The following RSPH3 variants were observed in gnomAD, a reference collection of about 807,000 sequenced individuals.
RSPH3 encodes radial spoke head 3, also known as radial spoke head protein 3 homolog.
RSPH3 carries 21 observed loss-of-function variants against 43.8 expected under a neutral mutation model. That is an observed-to-expected ratio of 0.48 (90% CI 0.34 to 0.69). The LOEUF is 0.69. RSPH3 is among the 30% of genes least tolerant of loss of function. RSPH3 has a pLI of 0.01. For synonymous variants in RSPH3, 173 were observed against 179.8 expected (o/e 0.96, Z 0.30); for missense variants, 487 against 516.0 (o/e 0.94, Z 0.54).
chr6:158,965,312 G>A, the RSPH3 span, among the ~76,000 whole-genome samples: 16 of 151,936 alleles, frequency 1.1e-4, no homozygotes, highest in South Asian at 2.1e-4. Context: ...TTCCATTTCC[G>A]TAAAAAAAGT....
intron 2 of RSPH3, among the ~76,000 whole-genome samples, chr6:158,990,085 GTTTT>G (rs1778357064): frequency 6.6e-6 from 1 of 152,168 alleles, no homozygotes; most frequent in Non-Finnish European, 1.5e-5. Flanking sequence ...AAGTTCTTCA[GTTTT>G]GGAGCCTGGA....
chr6:158,975,453 G>C lies in RSPH3; in HGVS notation c.*2085C>G, dbSNP rs1187131273. ...TAAGGAGATTTGGATTCCAGCTTTAGTCCTATTCCCTACTAGGCTCGTCAT... is the reference window on the plus strand; with the variant it reads ...TAAGGAGATTTGGATTCCAGCTTTACTCCTATTCCCTACTAGGCTCGTCAT... On this transcript the variant is annotated 3_prime_UTR_variant, in exon 8 of 8. Transcript: ENST00000367069. 1 of 152,176 alleles carries C rather than the reference G, an allele frequency of 6.6e-6. No individual in the cohort carries two copies. The highest frequency in any genetic ancestry group is 1.5e-5 in the Non-Finnish European group (1 of 68,038). 9.4% of individuals were successfully genotyped at this position (152,176 alleles called of 1,614,324 possible).
chr6:158,982,517 C>CATAAAAA lies in RSPH3; in HGVS notation c.663_664insTTTTTAT (p.Glu222PhefsTer3). The CATAAAAA allele has an allele frequency of 6.8e-7, 1 of 1,477,304 alleles. No individual in the cohort carries two copies. The highest frequency in any genetic ancestry group is 9.0e-7 in the Non-Finnish European group (1 of 1,108,388). The allele number at this position is 1,477,304 out of a possible 1,614,324, so 91.5% of individuals were successfully genotyped here. A position where few individuals can be genotyped will look rare whatever the true frequency, so the allele number is the denominator to read the frequency against. On this transcript the variant is annotated frameshift_variant, in exon 5 of 8. Transcript: ENST00000367069. LOFTEE classifies it high-confidence loss of function. ...TCTCGGTGTCGCCTCTCTTGCTCTT[C>CATAAAAA]AAGTCGTTGAACTTCAGCACGTTCA...
At chr6:158,986,195 G>T in intron 3 of RSPH3, 85 bp downstream of exon 3, 1 of 1,330,366 alleles carries the variant, frequency 7.5e-7, no homozygotes, top group Non-Finnish European at 1.1e-6. Flanking sequence ...AGAGGCATAA[G>T]TAATACAAAG....
chr6:158,977,702 T>C lies in RSPH3; in HGVS notation c.1093A>G (p.Met365Val), dbSNP rs774433506. 14 of 1,614,194 alleles carry C rather than the reference T, an allele frequency of 8.7e-6. No individual in the cohort carries two copies. Among genetic ancestry groups the C allele is most frequent in the Non-Finnish European group, 8.5e-7 (1 of 1,180,030 alleles). ...LEASEFLEQS[M>V]SQTRELLLDG... ...AAAAGCAGCTCCCGTGTCTGTGACA[T>C]GCTCTGCTCCAGGAATTCAGAGGCC... The change falls in exon 8 of 8, where the codon ATG (methionine) becomes GTG (valine). Residue 365 changes from methionine (M) to valine (V), a missense_variant. Transcript: ENST00000367069.
chr6:158,991,830 C>A (rs1281635063), intron 2 of RSPH3, among the ~76,000 whole-genome samples: 5 of 152,130 alleles, frequency 3.3e-5, no homozygotes, highest in Non-Finnish European at 5.9e-5. Context: ...TTAAGTTAAC[C>A]ATTGCTTCAG....
rs1171302111 is a variant in RSPH3, at chr6:158,993,877, T to C, written c.166A>G (p.Ile56Val). 11 of 1,612,386 alleles carry C rather than the reference T, an allele frequency of 6.8e-6. No individual in the cohort carries two copies. Among genetic ancestry groups the C allele is most frequent in the Non-Finnish European group, 8.5e-6 (10 of 1,178,636 alleles). ...TGGAGTGCATAAGTGTTACCTCGAATTACCCTTCTGTCATACATTATGTTT... is the reference window on the plus strand; with the variant it reads ...TGGAGTGCATAAGTGTTACCTCGAACTACCCTTCTGTCATACATTATGTTT... ...YGNIMYDRRV[I>V]RGNTYALQTG... Residue 56 changes from isoleucine (I) to valine (V), a missense_variant, in exon 2 of 8, where the codon ATT (isoleucine) becomes GTT (valine). Coordinates refer to ENST00000367069, the MANE Select transcript of RSPH3 (RefSeq NM_031924.8).
chr6:158,971,834 C>T (rs1048499605), downstream of RSPH3, among the ~76,000 whole-genome samples: 3 of 152,070 alleles, frequency 2.0e-5, no homozygotes, highest in Admixed American at 1.3e-4. Context: ...GGGTGATTGC[C>T]GAGTCAGATT....
At chr6:158,995,467 T>C (rs1010612258) in intron 1 of RSPH3, among the ~76,000 whole-genome samples, 1 of 152,212 alleles carries the variant, frequency 6.6e-6, no homozygotes, top group Admixed American at 6.5e-5. Context: ...TTCCAGCCTC[T>C]AGAGACTGCC....
downstream of RSPH3, among the ~76,000 whole-genome samples, chr6:158,968,191 T>A (rs1777651709): frequency 6.6e-6 from 1 of 152,196 alleles, no homozygotes; most frequent in Non-Finnish European, 1.5e-5. Flanking sequence ...TAAATGGGTA[T>A]CTTCCAGGAA....
intron 1 of RSPH3, among the ~76,000 whole-genome samples, chr6:158,997,668 C>T (rs1778640551): frequency 6.6e-6 from 1 of 152,070 alleles, no homozygotes; most frequent in East Asian, 1.9e-4. Context: ...AATCAACTAT[C>T]AAAAAAGTTG....
At chr6:158,964,194 C>T in the RSPH3 span, among the ~76,000 whole-genome samples, 1 of 152,176 alleles carries the variant, frequency 6.6e-6, no homozygotes, top group African/African-American at 2.4e-5. Context: ...TCTTTAATTT[C>T]TCACACCACC....
intron 5 of RSPH3, among the ~76,000 whole-genome samples, chr6:158,981,913 C>T (rs1373502933): frequency 6.6e-6 from 1 of 152,046 alleles, no homozygotes; most frequent in Non-Finnish European, 1.5e-5. Context: ...AGGCTACTGG[C>T]ACATGTAAAA....
rs60920591 is a variant in RSPH3, at chr6:158,985,815, TC to T, written c.346+464del. Among the ~76,000 whole-genome samples the T allele has an allele frequency of 7.8e-3, 1,041 of 133,036 alleles. 16 individuals are homozygous for T. Among genetic ancestry groups the T allele is most frequent in the African/African-American group, 0.032 (950 of 30,138 alleles). The allele number at this position is 133,036 out of a possible 152,430, so 87.3% of individuals were successfully genotyped here. ...CTATGTATTTCTCTCTCTCTCTCTCTCTTTTTTTTTTTTTTGAGATGGACTT... is the reference window on the plus strand; with the variant it reads ...CTATGTATTTCTCTCTCTCTCTCTCTTTTTTTTTTTTTTTGAGATGGACTT... On this transcript the variant is annotated intron_variant, in intron 3 of 7. Coordinates refer to ENST00000367069, the MANE Select transcript of RSPH3 (RefSeq NM_031924.8).
the RSPH3 span, among the ~76,000 whole-genome samples, chr6:158,967,014 A>AT: frequency 0.02 from 2,877 of 142,460 alleles, 35 homozygotes; most frequent in Middle Eastern, 0.029. Flanking sequence ...GGCATATTGT[A>AT]TTTTTTTTTT....
intron 2 of RSPH3, among the ~76,000 whole-genome samples, chr6:158,987,062 T>C (rs1213525079): frequency 1.3e-5 from 2 of 152,226 alleles, no homozygotes; most frequent in Non-Finnish European, 2.9e-5. Flanking sequence ...TATCTATTCA[T>C]TACTGAGAAC....
At chr6:158,981,917 T>C (rs1312448267) in intron 5 of RSPH3, among the ~76,000 whole-genome samples, 1 of 152,166 alleles carries the variant, frequency 6.6e-6, no homozygotes, top group East Asian at 1.9e-4. Flanking sequence ...TACTGGCACA[T>C]GTAAAAAAAC....
At chr6:158,998,299 A>G (rs1159314705) in intron 1 of RSPH3, among the ~76,000 whole-genome samples, 5 of 79,718 alleles carry the variant, frequency 6.3e-5, no homozygotes, top group African/African-American at 3.5e-4. Context: ...AAAAAATACA[A>G]AAAAAAAAAA....
At position 158,999,445 on chromosome 6, in the gene RSPH3, GGCTGTCCCGGTAACGGCTGC is replaced by G; in HGVS notation, c.86_105del (p.Arg29ProfsTer6). On this transcript the variant is annotated frameshift_variant, in exon 1 of 8. Transcript: ENST00000367069. LOFTEE classifies it high-confidence loss of function. ...GGCTTGGTCACTCACGGCTGCGTCAGGCTGTCCCGGTAACGGCTGCGCTGGCAGGGCAGTGCTCGGGGCCG... is the reference window on the plus strand; with the variant it reads ...GGCTTGGTCACTCACGGCTGCGTCAGGCTGGCAGGGCAGTGCTCGGGGCCG... 1 of 1,509,296 alleles carries G rather than the reference GGCTGTCCCGGTAACGGCTGC, an allele frequency of 6.6e-7. No individual in the cohort carries two copies. 93.5% of individuals were successfully genotyped at this position (1,509,296 alleles called of 1,614,324 possible).
Sources: gnomAD v4.1 joint callset for allele counts (sites outside exome capture counted in the v4.1 genomes callset) on GRCh38, gnomAD v4.1.1 for gene constraint, MANE v1.5 for transcripts, NCBI Gene and HGNC (gene_info 2026-07-23, HGNC 2026-07-21) for gene names.